SLC9A1: variants seen among roughly 807,000 people sequenced by gnomAD.
SLC9A1 encodes solute carrier family 9 member A1, also known as sodium/hydrogen exchanger 1.
A neutral mutation model predicts 67.9 loss-of-function variants in SLC9A1; 22 were observed. The ratio of observed to expected loss-of-function variants is 0.32; its 90% CI spans 0.23 to 0.46. The LOEUF (loss-of-function observed/expected upper bound fraction) is 0.46, where lower values mean the gene tolerates loss of function less well. SLC9A1 is among the 20% of genes least tolerant of loss of function. The pLI, the probability that SLC9A1 is intolerant of heterozygous loss-of-function variation, is 1.00. For missense variants in SLC9A1, 686 were observed against 1,094.8 expected (o/e 0.63, Z 5.27); for synonymous variants, 421 against 471.8 (o/e 0.89, Z 1.40).
Position 27,102,697 on chromosome 1 carries a change from T to C in SLC9A1, c.1622A>G (p.Tyr541Cys). ...LTGIEDICGH[Y>C]GHHHWKDKLN... is the part of the protein sequence containing the mutation. ...CTTGTCCTTCCAGTGGTGGTGACCG[T>C]AGTGGCCACAGATGTCTTCGATGCC... Residue 541 changes from tyrosine to cysteine, a missense_variant, in exon 7 of 12, where the codon TAC (tyrosine) becomes TGC (cysteine). Transcript: ENST00000263980. The C allele has an allele frequency of 6.2e-7, 1 of 1,613,768 alleles. No individual in the cohort carries two copies. Among genetic ancestry groups the C allele is most frequent in the Non-Finnish European group, 8.5e-7 (1 of 1,179,962 alleles).
Position 27,101,218 on chromosome 1 carries a change from C to A in SLC9A1, c.2095G>T (p.Ala699Ser), listed in dbSNP as rs1332012561. 1 of 1,611,314 alleles carries A rather than the reference C, an allele frequency of 6.2e-7. No homozygotes were observed. Among genetic ancestry groups the A allele is most frequent in the African/African-American group, 1.3e-5 (1 of 75,042 alleles). Reference sequence around the variant, plus strand: ...AGGCCCTTACCTGAGCCGATGCGGGCCCGAGACATGGTGGGTGAGTCCAGC... The same window carrying A: ...AGGCCCTTACCTGAGCCGATGCGGGACCGAGACATGGTGGGTGAGTCCAGC... ...HKLDSPTMSRARIGSDPLAYE... is the reference protein window; with the variant it reads ...HKLDSPTMSRSRIGSDPLAYE... Residue 699 changes from alanine (A) to serine (S), a missense_variant, in exon 11 of 12, where the codon GCC becomes TCC. Ala to Ser is a moderately conservative substitution (Grantham distance 99). Coordinates refer to ENST00000263980, the MANE Select transcript of SLC9A1 (RefSeq NM_003047.5). The surrounding 1 kb of genome is among the most constrained non-coding windows in gnomAD (Gnocchi z 4.9).
intron 1 of SLC9A1, among the ~76,000 whole-genome samples, chr1:27,117,209 G>A (rs888820583): frequency 4.6e-5 from 7 of 152,132 alleles, no homozygotes; most frequent in South Asian, 4.1e-4. Flanking sequence ...ACAGCGCAGC[G>A]GAGATAAGCA....
At chr1:27,108,030 AC>A (rs1271959203) in intron 3 of SLC9A1, among the ~76,000 whole-genome samples, 165 bp from the exon 4 acceptor site, 1 of 147,264 alleles carries the variant, frequency 6.8e-6, no homozygotes, top group East Asian at 2.0e-4. Flanking sequence ...ACTCATCCTC[AC>A]ATCAACCCTA....
chr1:27,100,709 C>G lies in SLC9A1; in HGVS notation c.2111-65G>C. The G allele has an allele frequency of 5.1e-6, 7 of 1,374,258 alleles. 1 individual carries two copies. The highest frequency in any genetic ancestry group is 2.0e-4 in the Middle Eastern group (1 of 5,110). The allele number at this position is 1,374,258 out of a possible 1,614,324, so 85.1% of individuals were successfully genotyped here. A position where few individuals can be genotyped will look rare whatever the true frequency, so the allele number is the denominator to read the frequency against. ...GGAGCCCGGCCCAGCACGTGCCACT[C>G]GGCCGCGTCAGTGCCTCCTTCAGGC... is the stretch of plus-strand genomic sequence containing the variant. On this transcript the variant is annotated intron_variant, in intron 11 of 11. Transcript: ENST00000263980. This position sits in a 1 kb window ranked among gnomAD's most constrained non-coding sequence, Gnocchi z 5.6.
chr1:27,107,733 G>A lies in SLC9A1; in HGVS notation c.1197C>T (p.Gly399=), dbSNP rs138422424. 19 of 1,584,656 alleles carry A rather than the reference G, an allele frequency of 1.2e-5. No individual in the cohort carries two copies. Among genetic ancestry groups the A allele is most frequent in the Non-Finnish European group, 1.6e-5 (19 of 1,166,276 alleles). Reference sequence around the variant, plus strand: ...GGTGGGAGCCGGCCACCGTGGAGACGCCGAGGAAGATGAAGATGAGGGTCT... The same window carrying A: ...GGTGGGAGCCGGCCACCGTGGAGACACCGAGGAAGATGAAGATGAGGGTCT... ...VSETLIFIFL[G]VSTVAGSHHW... is the part of the protein sequence containing the mutation. Residue 399 remains glycine (G), a synonymous_variant, in exon 4 of 12, where the codon GGC becomes GGT. Transcript: ENST00000263980.
chr1:27,107,950 G>C, intron 3 of SLC9A1, 85 bp from the exon 4 acceptor site: 2 of 983,386 alleles, frequency 2.0e-6, no homozygotes, highest in Non-Finnish European at 3.1e-6. Context: ...ATGGGGCCAC[G>C]ACCAAGGTGC....
In SLC9A1 at chr1:27,101,629, A is replaced by T. The variant is rs1040302705; in HGVS notation, c.2037+96T>A. On this transcript the variant is annotated intron_variant, in intron 10 of 11. Transcript: ENST00000263980. The surrounding 1 kb of genome is among the most constrained non-coding windows in gnomAD (Gnocchi z 4.9). ...CTGCTAAAAGCCCCTCGAAAGCCAA[A>T]CCCTGTTCCTAGAATGGGTACATTT... 2 of 908,510 alleles carry T rather than the reference A, an allele frequency of 2.2e-6. No individual in the cohort carries two copies. Among genetic ancestry groups the T allele is most frequent in the African/African-American group, 3.3e-5 (2 of 60,926 alleles). The allele number at this position is 908,510 out of a possible 1,614,324, so 56.3% of individuals were successfully genotyped here. A position where few individuals can be genotyped will look rare whatever the true frequency, so the allele number is the denominator to read the frequency against.
intron 1 of SLC9A1, among the ~76,000 whole-genome samples, chr1:27,146,566 C>T (rs2083486618): frequency 6.6e-6 from 1 of 152,170 alleles, no homozygotes; most frequent in Non-Finnish European, 1.5e-5. Context: ...GCTTAAACCC[C>T]AATGTTTTCT....
At position 27,135,495 on chromosome 1, in the gene SLC9A1, AT is replaced by A. The variant is rs373388008; in HGVS notation, c.352+18487del. 9.3e-3 allele frequency among the ~76,000 whole-genome samples: 1,094 copies of A among 117,094 alleles called. 13 individuals are homozygous for A. Among genetic ancestry groups the A allele is most frequent in the African/African-American group, 0.03 (933 of 30,724 alleles). The allele number at this position is 117,094 out of a possible 152,430, so 76.8% of individuals were successfully genotyped here. A position where few individuals can be genotyped will look rare whatever the true frequency, so the allele number is the denominator to read the frequency against. ...TCTTTATATACTTAAGCAGTGTTTG[AT>A]TTTTTTTTTTATTTCTTCCTTTTTT... On this transcript the variant is annotated intron_variant, in intron 1 of 11. Transcript: ENST00000263980.
In SLC9A1 at chr1:27,118,855, C is replaced by G. The variant is rs981401850; in HGVS notation, c.353-4569G>C. ...GCAGTCTGTGACACTCCAAGCCACACAGCCTTCTTCGAGGACGTCCAGTCC... is the reference window on the plus strand; with the variant it reads ...GCAGTCTGTGACACTCCAAGCCACAGAGCCTTCTTCGAGGACGTCCAGTCC... On this transcript the variant is annotated intron_variant, in intron 1 of 11. Coordinates refer to ENST00000263980, the MANE Select transcript of SLC9A1 (RefSeq NM_003047.5). This position sits in a 1 kb window ranked among gnomAD's most constrained non-coding sequence, Gnocchi z 4.3. Among the ~76,000 whole-genome samples, 2 of 152,202 alleles carry G rather than the reference C, an allele frequency of 1.3e-5. No homozygotes were observed. Among genetic ancestry groups the G allele is most frequent in the African/African-American group, 2.4e-5 (1 of 41,432 alleles).
intron 1 of SLC9A1, among the ~76,000 whole-genome samples, chr1:27,134,007 C>T (rs979752636): frequency 6.6e-6 from 1 of 152,122 alleles, no homozygotes; most frequent in Non-Finnish European, 1.5e-5. Context: ...TCGTGACCTA[C>T]CCACCTCAGC....
intron 1 of SLC9A1, among the ~76,000 whole-genome samples, chr1:27,151,456 G>A (rs575063673): frequency 1.3e-5 from 2 of 152,104 alleles, no homozygotes; most frequent in African/African-American, 4.8e-5. Flanking sequence ...CGCCTCCTGG[G>A]TTCAAGCGAT....
chr1:27,142,933 A>G (rs1288308869), intron 1 of SLC9A1, among the ~76,000 whole-genome samples: 1 of 151,826 alleles, frequency 6.6e-6, no homozygotes, highest in Admixed American at 6.6e-5. Flanking sequence ...ACCTCCTCCA[A>G]GGATTCATCC....
In SLC9A1 at chr1:27,107,774, A is replaced by G; in HGVS notation, c.1156T>C (p.Trp386Arg). The change falls in exon 4 of 12, where the codon TGG (tryptophan) becomes CGG (arginine). Residue 386 changes from tryptophan (W) to arginine (R), a missense_variant. Physicochemically the swap from Trp to Arg is moderately radical, Grantham distance 101. Around this residue, in one of 7 missense-constraint regions of SLC9A1, gnomAD observed 168 missense variants for 375.4 expected, o/e 0.45. Coordinates refer to ENST00000263980, the MANE Select transcript of SLC9A1 (RefSeq NM_003047.5). ...ATGAGGGTCTCGCTGACGCTGCTCC[A>G]CATCTTCAGGAAGTATTTGATGGTG... ...HTTIKYFLKM[W>R]SSVSETLIFI... 6.2e-7 allele frequency: 1 copy of G among 1,607,048 alleles called. No individual in the cohort carries two copies. Among genetic ancestry groups the G allele is most frequent in the Non-Finnish European group, 8.5e-7 (1 of 1,177,348 alleles).
intron 1 of SLC9A1, among the ~76,000 whole-genome samples, chr1:27,150,890 A>C (rs2083522010): frequency 6.6e-6 from 1 of 152,228 alleles, no homozygotes; most frequent in Admixed American, 6.5e-5. Context: ...CAAGGGAAGC[A>C]GCTGCCATAG....
chr1:27,122,494 G>T (rs2124170031), intron 1 of SLC9A1, among the ~76,000 whole-genome samples: 1 of 152,304 alleles, frequency 6.6e-6, no homozygotes, highest in East Asian at 1.9e-4. Flanking sequence ...AGGAGATGCT[G>T]GCACACAGGC....
rs756135813 is a variant in SLC9A1, at chr1:27,103,256, C to T, written c.1542G>A (p.Thr514=). 11 of 1,608,938 alleles carry T rather than the reference C, an allele frequency of 6.8e-6. No homozygotes were observed. The Middle Eastern group carries it at 5.0e-4, about 73-fold the overall frequency. The change falls in exon 6 of 12, where the codon ACG becomes ACA. Residue 514 remains threonine (T), a synonymous_variant. Coordinates refer to ENST00000263980, the MANE Select transcript of SLC9A1 (RefSeq NM_003047.5). ...DLLAVKKKQE[T]KRSINEEIHT... ...GGATCTCTTCGTTGATGGAGCGCTT[C>T]GTCTCTTGCTTTTTCTTCACAGCCA...
intron 1 of SLC9A1, among the ~76,000 whole-genome samples, chr1:27,146,318 T>C (rs2083485123): frequency 1.3e-5 from 2 of 152,338 alleles, no homozygotes; most frequent in South Asian, 2.1e-4. Flanking sequence ...TTTTTCTGCA[T>C]GCTGCCACCT....
chr1:27,117,923 G>A (rs1239949118), intron 1 of SLC9A1, among the ~76,000 whole-genome samples: 1 of 152,172 alleles, frequency 6.6e-6, no homozygotes, highest in Non-Finnish European at 1.5e-5. Context: ...CTGAACCTCC[G>A]TGAGCAGCTG....
Sources: allele counts gnomAD v4.1 joint callset (sites outside exome capture counted in the v4.1 genomes callset), GRCh38; gene constraint gnomAD v4.1.1; regional missense constraint gnomAD v4.1.1; non-coding constraint Gnocchi (gnomAD v3.1); transcripts MANE v1.5; gene names NCBI Gene and HGNC (gene_info 2026-07-23, HGNC 2026-07-21).